Variants in FCGR2B observed in about 807,000 individuals in gnomAD.
FCGR2B encodes the protein Fc gamma receptor IIb.
Under a neutral mutation model 24.8 loss-of-function variants are expected in FCGR2B, and 18 were observed. That is an observed-to-expected ratio of 0.73 (90% confidence interval 0.50 to 1.08). The LOEUF (loss-of-function observed/expected upper bound fraction) is 1.08. Among genes scored for constraint, FCGR2B ranks in the 50% least tolerant of loss-of-function variants. FCGR2B has a pLI of 0.00. For synonymous variants in FCGR2B, 79 were observed against 109.8 expected (o/e 0.72, Z 1.75); for missense variants, 215 against 297.6 (o/e 0.72, Z 2.04).
chr1:161,677,272 A>G, intron 6 of FCGR2B, 56 bp from the exon 7 acceptor site: 1 of 1,570,440 alleles, frequency 6.4e-7, no homozygotes, highest in South Asian at 1.1e-5. Context: ...GCATCAGCAC[A>G]GGCAGGCCCT....
At chr1:161,651,801 C>T in the FCGR2B span, among the ~76,000 whole-genome samples, 9 of 123,710 alleles carry the variant, frequency 7.3e-5, no homozygotes, top group Admixed American at 3.7e-4. Context: ...GTCGTGATGG[C>T]GCATGCCTGT....
At chr1:161,671,861 A>ACTCTC in intron 3 of FCGR2B, 1 of 919,222 alleles carries the variant, frequency 1.1e-6, no homozygotes, top group Admixed American at 2.9e-5. Context: ...AGTGTGAGAG[A>ACTCTC]AGCAGAAGGA....
rs574756004 is a variant in FCGR2B, at chr1:161,673,498, C to A, written c.646+269C>A. The stretch of plus-strand genomic sequence containing the variant: ...TAAGGACGGCAGCGAAGCAGAGCTC[C>A]CTCGTTGGTGCAGAGGTTCCCTAAG... On this transcript the variant is annotated intron_variant, in intron 4 of 7. Coordinates refer to ENST00000358671, the MANE Select transcript of FCGR2B (RefSeq NM_001394477.1). 9.4e-5 allele frequency: 68 copies of A among 724,958 alleles called. No homozygotes were observed. The African/African-American group carries it at 1.1e-3, about 11-fold the overall frequency. 44.9% of individuals were successfully genotyped at this position (724,958 alleles called of 1,614,324 possible). A position where few individuals can be genotyped will look rare whatever the true frequency, so the allele number is the denominator to read the frequency against.
chr1:161,672,847 T>A, intron 3 of FCGR2B, 128 bp from the exon 4 acceptor site: 2 of 1,398,592 alleles, frequency 1.4e-6, no homozygotes, highest in Non-Finnish European at 1.9e-6. Flanking sequence ...AGCATTAGAG[T>A]CCAGGACTGT....
At chr1:161,674,188 C>T (rs533376087) in intron 5 of FCGR2B, 115 bp downstream of exon 5, 47 of 290,918 alleles carry the variant, frequency 1.6e-4, no homozygotes, top group Middle Eastern at 1.1e-3. Flanking sequence ...GATCTAGGCC[C>T]GTATTGTATT....
At chr1:161,677,256 G>C in intron 6 of FCGR2B, 72 bp from the exon 7 acceptor site, 1 of 1,503,828 alleles carries the variant, frequency 6.6e-7, no homozygotes, top group Non-Finnish European at 9.2e-7. Flanking sequence ...TGGTTTTGCA[G>C]CCTCAGCATC....
the FCGR2B span, among the ~76,000 whole-genome samples, chr1:161,655,949 G>C: frequency 9.1e-6 from 1 of 110,148 alleles, no homozygotes; most frequent in South Asian, 3.7e-4. Flanking sequence ...TCCACCTCCC[G>C]GGTTCAAGCA....
At chr1:161,654,026 G>C in the FCGR2B span, among the ~76,000 whole-genome samples, 46 of 133,910 alleles carry the variant, frequency 3.4e-4, 5 homozygotes, top group South Asian at 0.011. Context: ...GCCCACCAAA[G>C]TACCCATGAA....
the FCGR2B span, among the ~76,000 whole-genome samples, chr1:161,648,776 A>G: frequency 6.6e-6 from 1 of 150,556 alleles, no homozygotes; most frequent in Non-Finnish European, 1.5e-5. Flanking sequence ...TGTAACCTCT[A>G]TGTTCCAGGT....
the FCGR2B span, among the ~76,000 whole-genome samples, chr1:161,648,755 G>A: frequency 0.11 from 16,749 of 150,216 alleles, 1,205 homozygotes; most frequent in Admixed American, 0.15. Flanking sequence ...AGTGGCGCAA[G>A]CTTGGCTCAT....
chr1:161,671,678 C>T, intron 3 of FCGR2B, 29 bp downstream of exon 3: 1 of 1,611,374 alleles, frequency 6.2e-7, no homozygotes, highest in South Asian at 1.1e-5. Context: ...CAGGGTGGAC[C>T]TGGGAGGGCC....
Position 161,677,647 on chromosome 1 carries a change from A to G in FCGR2B, c.*94A>G, listed in dbSNP as rs944789013. 2 of 966,802 alleles carry G rather than the reference A, an allele frequency of 2.1e-6. No individual in the cohort carries two copies. Among genetic ancestry groups the G allele is most frequent in the African/African-American group, 1.6e-5 (1 of 61,026 alleles). The allele number at this position is 966,802 out of a possible 1,614,324, so 59.9% of individuals were successfully genotyped here. A position where few individuals can be genotyped will look rare whatever the true frequency, so the allele number is the denominator to read the frequency against. On this transcript the variant is annotated 3_prime_UTR_variant, in exon 8 of 8. Transcript: ENST00000358671. ...AATTCCCCTTGGGGAGGACAGGGAGATGCTGCAGTTCCAAAAGAGAAGGTT... is the reference window on the plus strand; with the variant it reads ...AATTCCCCTTGGGGAGGACAGGGAGGTGCTGCAGTTCCAAAAGAGAAGGTT...
chr1:161,675,141 A>C, intron 5 of FCGR2B, 116 bp from the exon 6 acceptor site: 1 of 693,186 alleles, frequency 1.4e-6, no homozygotes, highest in East Asian at 3.2e-5. Context: ...AGGACAGGAA[A>C]CATCTGCCAG....
chr1:161,677,038 G>A (rs1341436799), intron 6 of FCGR2B: 10 of 451,732 alleles, frequency 2.2e-5, no homozygotes, highest in African/African-American at 8.3e-5. Context: ...CAGATCCCAA[G>A]CCTCCCTGGT....
intron 3 of FCGR2B, chr1:161,672,156 G>A (rs1177813810): frequency 1.3e-5 from 2 of 157,646 alleles, no homozygotes; most frequent in Non-Finnish European, 2.7e-5. Flanking sequence ...CAGCCTGTGG[G>A]AAACCTGAGA....
intron 3 of FCGR2B, 115 bp from the exon 4 acceptor site, chr1:161,672,860 G>A (rs1231117140): frequency 6.8e-7 from 1 of 1,471,672 alleles, no homozygotes; most frequent in East Asian, 2.4e-5. Flanking sequence ...AGGACTGTCT[G>A]ATTTCAGACC....
At chr1:161,649,011 G>A in the FCGR2B span, among the ~76,000 whole-genome samples, 41 of 151,078 alleles carry the variant, frequency 2.7e-4, 2 homozygotes, top group Non-Finnish European at 5.6e-4. Flanking sequence ...AATGAATACA[G>A]TTATGAAGGT....
the FCGR2B span, among the ~76,000 whole-genome samples, chr1:161,654,800 G>T: frequency 7.2e-6 from 1 of 138,068 alleles, no homozygotes; most frequent in Admixed American, 7.4e-5. Context: ...AGATTTCAGG[G>T]TATTTGGTTG....
At chr1:161,661,239 AAAGAAAGAAAGAAAGAAAGAAAGGAAGG>A (rs1557895151), upstream of FCGR2B, among the ~76,000 whole-genome samples, 14 of 85,786 alleles carry the variant, frequency 1.6e-4, 2 homozygotes, top group African/African-American at 5.0e-4. Context: ...AGAAAGAAAG[AAAGAAAGAAAGAAAGAAAGAAAGGAAGG>A]AAGCAAGAAA....
Sources: gnomAD v4.1 joint callset for allele counts (sites outside exome capture counted in the v4.1 genomes callset) on GRCh38, gnomAD v4.1.1 for gene constraint, MANE v1.5 for transcripts, NCBI Gene and HGNC (gene_info 2026-07-23, HGNC 2026-07-21) for gene names.